XRN2: variants seen among roughly 807,000 people sequenced by gnomAD.
XRN2 encodes the protein DHM1-like protein.
In XRN2, 44 loss-of-function variants were observed where a neutral mutation model predicts 138.5. The observed-to-expected ratio is 0.32, with a 90% CI of 0.25 to 0.41. The LOEUF is 0.41. XRN2 is among the 10% of genes least tolerant of loss of function. The pLI is 1.00. For synonymous variants in XRN2, 354 were observed against 369.4 expected (o/e 0.96, Z 0.48); for missense variants, 937 against 1,169.3 (o/e 0.80, Z 2.90).
rs1192850438 is a variant in XRN2, at chr20:21,349,415, T to C, written c.1890T>C (p.Pro630=). 1 of 1,608,008 alleles carries C rather than the reference T, an allele frequency of 6.2e-7. No individual in the cohort carries two copies. The part of the protein sequence containing the change: ...DPDSSIIDFY[P]EDFAIDLNGK... ...ATTCTAGTATAATTGACTTCTATCC[T>C]GAAGATTTTGCTATTGATTTGAATG... The change falls in exon 20 of 30, where the codon CCT becomes CCC. Residue 630 remains proline, a synonymous_variant. Transcript: ENST00000377191.
At position 21,350,225 on chromosome 20, in the gene XRN2, A is replaced by G. The variant is rs185934634; in HGVS notation, c.1936+764A>G. ...ATATGTAATGATGATTGAATGTAAA[A>G]TACAATAAAGAAATATCTTGGCCGG... On this transcript the variant is annotated intron_variant, in intron 20 of 29. Coordinates refer to ENST00000377191, the MANE Select transcript of XRN2 (RefSeq NM_012255.5). Among the ~76,000 whole-genome samples, 845 of 152,226 alleles carry G rather than the reference A, an allele frequency of 5.6e-3. 5 individuals carry two copies. Among genetic ancestry groups the G allele is most frequent in the Non-Finnish European group, 7.3e-3 (497 of 67,986 alleles).
intron 27 of XRN2, among the ~76,000 whole-genome samples, chr20:21,375,810 T>TTTTATTTATTTATTTATTA (rs2038813951): frequency 6.8e-6 from 1 of 146,898 alleles, no homozygotes; most frequent in Non-Finnish European, 1.5e-5. Context: ...TACCAGGTGT[T>TTTTATTTATTTATTTATTA]TTTATTTATT....
intron 16 of XRN2, among the ~76,000 whole-genome samples, chr20:21,345,650 G>A (rs1251496213): frequency 6.6e-6 from 1 of 152,094 alleles, no homozygotes; most frequent in Non-Finnish European, 1.5e-5. Context: ...ATAATACATT[G>A]GATGAAAATG....
At position 21,357,627 on chromosome 20, in the gene XRN2, C is replaced by T; in HGVS notation, c.2199-109C>T. The T allele has an allele frequency of 3.7e-6, 3 of 817,566 alleles. No individual in the cohort carries two copies. In the South Asian group the frequency reaches 8.3e-5, roughly 23 times the overall value. 50.6% of individuals were successfully genotyped at this position (817,566 alleles called of 1,614,324 possible). On this transcript the variant is annotated intron_variant, in intron 23 of 29. Coordinates refer to ENST00000377191, the MANE Select transcript of XRN2 (RefSeq NM_012255.5). ...TTTTTATTGTTTTTGTTAGTGCATT[C>T]TAATGATTTATCTTTTCTAAAGACT...
chr20:21,368,005 A>G (rs1487924980), intron 26 of XRN2, among the ~76,000 whole-genome samples: 2 of 152,190 alleles, frequency 1.3e-5, no homozygotes, highest in African/African-American at 4.8e-5. Flanking sequence ...TTAGTAAAGT[A>G]TAAGACATCA....
intron 27 of XRN2, among the ~76,000 whole-genome samples, chr20:21,371,018 A>G (rs367777037): frequency 6.6e-6 from 1 of 152,050 alleles, no homozygotes; most frequent in Admixed American, 6.5e-5. Flanking sequence ...TCATTAAAAC[A>G]TTTTTTTCTA....
At chr20:21,312,880 G>A (rs2037902494) in intron 1 of XRN2, among the ~76,000 whole-genome samples, 1 of 152,266 alleles carries the variant, frequency 6.6e-6, no homozygotes, top group Non-Finnish European at 1.5e-5. Context: ...GGGATTAGAG[G>A]CGTGAGCCAC....
At chr20:21,346,344 G>A in intron 16 of XRN2, 71 bp from the exon 17 acceptor site, 3 of 1,570,634 alleles carry the variant, frequency 1.9e-6, no homozygotes, top group East Asian at 2.3e-5. Flanking sequence ...TTGATTTGGG[G>A]TATAAATTAG....
rs1375407642 is a variant in XRN2 at position 21,382,023 on chromosome 20, C to G, written c.2614C>G (p.Pro872Ala). 6.2e-7 allele frequency: 1 copy of G among 1,605,622 alleles called. No homozygotes were observed. ...GAGGCCCCAGGATTCCTGGCGAGGT[C>G]CTCCTCCCCTTTTCCAGCAGCAAAG... The part of the protein sequence containing the change: ...NMRPQDSWRG[P>A]PPLFQQQRFD... Residue 872 changes from proline to alanine, a missense_variant, in exon 28 of 30, where the codon CCT (proline) becomes GCT (alanine). Transcript: ENST00000377191.
chr20:21,359,219 A>G (rs1409816), intron 24 of XRN2, among the ~76,000 whole-genome samples: 103,141 of 151,984 alleles, frequency 0.68, 35,723 homozygotes, highest in South Asian at 0.83. Flanking sequence ...AGTACATACT[A>G]TGTTCACAAG....
At chr20:21,351,189 A>G (rs146251080) in intron 20 of XRN2, among the ~76,000 whole-genome samples, 14 of 152,290 alleles carry the variant, frequency 9.2e-5, no homozygotes, top group African/African-American at 1.4e-4. Flanking sequence ...GATATTTTCA[A>G]TATAACTTAA....
At chr20:21,373,490 G>C (rs1279935344) in intron 27 of XRN2, among the ~76,000 whole-genome samples, 1 of 152,186 alleles carries the variant, frequency 6.6e-6, no homozygotes, top group Admixed American at 6.5e-5. Flanking sequence ...CATAGGAGTG[G>C]AATTGCAAGA....
chr20:21,383,073 C>T (rs776040156), intron 28 of XRN2, among the ~76,000 whole-genome samples: 8 of 152,142 alleles, frequency 5.3e-5, no homozygotes, highest in Non-Finnish European at 1.2e-4. Context: ...TTTAGAGACT[C>T]CAGAACTTTA....
At position 21,346,489 on chromosome 20, in the gene XRN2, G is replaced by A. The variant is rs374492338; in HGVS notation, c.1604G>A (p.Arg535His). ...FDVDAADEKFRRKVVQSYVEG... is the reference protein window; with the variant it reads ...FDVDAADEKFHRKVVQSYVEG... ...GTGGATGCAGCTGATGAGAAATTCC[G>A]TCGGAAAGTTGTGCAGTCGTACGTT... The change falls in exon 17 of 30, where the codon CGT (arginine) becomes CAT (histidine). Residue 535 changes from arginine (R) to histidine (H), a missense_variant. Arg to His is a conservative substitution (Grantham distance 29, BLOSUM62 0). Around this residue, in one of 6 missense-constraint regions of XRN2, gnomAD observed 471 missense variants for 581.2 expected, o/e 0.81. Transcript: ENST00000377191. The A allele has an allele frequency of 9.3e-6, 15 of 1,614,068 alleles. No homozygotes were observed. Among genetic ancestry groups the A allele is most frequent in the South Asian group, 3.3e-5 (3 of 91,094 alleles).
intron 24 of XRN2, among the ~76,000 whole-genome samples, chr20:21,363,971 G>A (rs371826688): frequency 3.8e-4 from 57 of 151,770 alleles, no homozygotes; most frequent in Non-Finnish European, 5.6e-4. Context: ...TCACTCTGTC[G>A]CCCAGGCTGG....
At chr20:21,363,528 A>G (rs924717840) in intron 24 of XRN2, among the ~76,000 whole-genome samples, 1 of 152,214 alleles carries the variant, frequency 6.6e-6, no homozygotes. Context: ...TTGCCAGTAC[A>G]GAAAATCTGA....
At position 21,331,796 on chromosome 20, in the gene XRN2, T is replaced by C; in HGVS notation, c.678T>C (p.His226=). Residue 226 remains histidine, a synonymous_variant, in exon 8 of 30, where the codon CAT becomes CAC. Coordinates refer to ENST00000377191, the MANE Select transcript of XRN2 (RefSeq NM_012255.5). ...AGCCTAACCATGACCCAAATACTCA[T>C]CATTGTTTATGTGGAGCAGATGGTA... ...RAQPNHDPNT[H]HCLCGADADL... The C allele has an allele frequency of 6.2e-7, 1 of 1,610,578 alleles. No individual in the cohort carries two copies.
intron 19 of XRN2, 68 bp from the exon 20 acceptor site, chr20:21,349,321 A>T: frequency 9.4e-7 from 1 of 1,062,500 alleles, no homozygotes; most frequent in South Asian, 1.3e-5. Flanking sequence ...AATGAAAGTC[A>T]TATCAAATTC....
chr20:21,328,551 A>G lies in XRN2; in HGVS notation c.316-8A>G, dbSNP rs780161132. On this transcript the variant is annotated splice_polypyrimidine_tract_variant and splice_region_variant and intron_variant, in intron 3 of 29. Transcript: ENST00000377191. ...ATGAGTGTTATGGAATATGAAATAC[A>G]TTTTCAGGCACCACGTGCTAAAATG... is the stretch of plus-strand genomic sequence containing the variant. 2 of 1,611,884 alleles carry G rather than the reference A, an allele frequency of 1.2e-6. No individual in the cohort carries two copies. Among genetic ancestry groups the G allele is most frequent in the Non-Finnish European group, 1.7e-6 (2 of 1,178,882 alleles).
Sources: gnomAD v4.1 joint callset for allele counts (sites outside exome capture counted in the v4.1 genomes callset) on GRCh38, gnomAD v4.1.1 for gene constraint, gnomAD v4.1.1 regional missense constraint, MANE v1.5 for transcripts, NCBI Gene and HGNC (gene_info 2026-07-23, HGNC 2026-07-21) for gene names.